The following PCDH17 variants were observed in gnomAD, a reference collection of about 807,000 sequenced individuals.
PCDH17 encodes protocadherin 17.
A neutral mutation model predicts 67.7 loss-of-function variants in PCDH17; 21 were observed. That is an observed-to-expected ratio of 0.31 (90% CI 0.22 to 0.45). The LOEUF is 0.45. PCDH17 is among the 20% of genes least tolerant of loss of function. PCDH17 has a pLI of 1.00. For synonymous variants in PCDH17, 701 were observed against 656.7 expected, an observed-to-expected ratio of 1.07 and a Z score of -1.03; for missense variants, 1,471 against 1,564.8, an observed-to-expected ratio of 0.94 and a Z score of 1.01.
chr13:57,687,511 T>C (rs1336169408), intron 3 of PCDH17, among the ~76,000 whole-genome samples: 1 of 151,996 alleles, frequency 6.6e-6, no homozygotes. Flanking sequence ...TGACTGGCTC[T>C]TGAGGTTCAT....
At chr13:57,655,565 C>T (rs1390808425) in intron 1 of PCDH17, among the ~76,000 whole-genome samples, 1 of 151,870 alleles carries the variant, frequency 6.6e-6, no homozygotes, top group Admixed American at 6.6e-5. Context: ...GGTAGGTATT[C>T]ATAGGTGCCT....
intron 3 of PCDH17, among the ~76,000 whole-genome samples, chr13:57,711,320 A>G (rs1029239445): frequency 4.0e-5 from 6 of 151,882 alleles, no homozygotes; most frequent in African/African-American, 1.4e-4. Context: ...CAAGAAACAC[A>G]GAGCTAGTGT....
chr13:57,669,346 G>A (rs1293356746), intron 3 of PCDH17, among the ~76,000 whole-genome samples: 2 of 151,826 alleles, frequency 1.3e-5, no homozygotes, highest in Non-Finnish European at 2.9e-5. Flanking sequence ...AATTACAGAT[G>A]GGTGATCTCT....
At chr13:57,706,539 C>T (rs972872425) in intron 3 of PCDH17, among the ~76,000 whole-genome samples, 21 of 152,212 alleles carry the variant, frequency 1.4e-4, no homozygotes, top group Admixed American at 5.2e-4. Flanking sequence ...TTTATTTTCT[C>T]ATGGTTCTGG....
At chr13:57,706,983 T>TAATTATGTAATTTTCTC (rs1424430286) in intron 3 of PCDH17, among the ~76,000 whole-genome samples, 2 of 152,146 alleles carry the variant, frequency 1.3e-5, no homozygotes, top group South Asian at 2.1e-4. Context: ...TTCATTTTCT[T>TAATTATGTAATTTTCTC]AATTATGTAA....
At position 57,728,907 on chromosome 13, in the gene PCDH17, A is replaced by G. The variant is rs567283371; in HGVS notation, c.*3613A>G. 2 of 152,560 alleles carry G rather than the reference A, an allele frequency of 1.3e-5. No individual in the cohort carries two copies. The highest frequency in any genetic ancestry group is 4.1e-4 in the South Asian group (2 of 4,826). The allele number at this position is 152,560 out of a possible 1,614,324, so 9.5% of individuals were successfully genotyped here. A position where few individuals can be genotyped will look rare whatever the true frequency, so the allele number is the denominator to read the frequency against. ...AGAACCAGGTTAAAAGCTGTTTGTT[A>G]TCTAATAGAGTAAAAGTTACTGAGG... On this transcript the variant is annotated 3_prime_UTR_variant, in exon 4 of 4. Transcript: ENST00000377918.
Position 57,633,873 on chromosome 13 carries a change from G to A in PCDH17, c.1327G>A (p.Val443Met), listed in dbSNP as rs1261365634. ...ETQDEYNVTI[V>M]ARDGGSPPLN... ...ACAAGACGAGTACAACGTGACCATC[G>A]TGGCGCGGGACGGGGGCTCTCCTCC... Residue 443 changes from valine to methionine, a missense_variant, in exon 1 of 4, where the codon GTG becomes ATG. Around this residue, in one of 3 missense-constraint regions of PCDH17, gnomAD observed 1,163 missense variants for 1,230.0 expected, o/e 0.95. Transcript: ENST00000377918. This position sits in a 1 kb window ranked among gnomAD's most constrained non-coding sequence, Gnocchi z 6.2. 1 of 1,613,010 alleles carries A rather than the reference G, an allele frequency of 6.2e-7. No individual in the cohort carries two copies. Among genetic ancestry groups the A allele is most frequent in the Non-Finnish European group, 8.5e-7 (1 of 1,180,034 alleles).
rs1454403884 is a variant in PCDH17, at chr13:57,726,083, G to T, written c.*789G>T. On this transcript the variant is annotated 3_prime_UTR_variant, in exon 4 of 4. Transcript: ENST00000377918. ...ATTTAGCATTTTAGTGTCCAACAAA[G>T]ATTTAAACAATGATGAATATGTTTT... is the stretch of plus-strand genomic sequence containing the variant. The T allele has an allele frequency of 6.6e-6, 1 of 152,540 alleles. No homozygotes were observed. Among genetic ancestry groups the T allele is most frequent in the African/African-American group, 2.4e-5 (1 of 41,424 alleles). 9.4% of individuals were successfully genotyped at this position (152,540 alleles called of 1,614,324 possible).
intron 3 of PCDH17, among the ~76,000 whole-genome samples, chr13:57,689,940 A>T (rs1191395819): frequency 6.6e-6 from 1 of 151,848 alleles, no homozygotes; most frequent in African/African-American, 2.4e-5. Flanking sequence ...TTAAAATAAG[A>T]TCTCTAATTA....
chr13:57,657,847 C>T (rs1405741913), intron 1 of PCDH17, among the ~76,000 whole-genome samples: 1 of 152,162 alleles, frequency 6.6e-6, no homozygotes, highest in Admixed American at 6.5e-5. Context: ...CGATTTAACA[C>T]CATATCTAGA....
intron 3 of PCDH17, among the ~76,000 whole-genome samples, chr13:57,693,618 A>G (rs1955580934): frequency 6.6e-6 from 1 of 150,548 alleles, no homozygotes; most frequent in Non-Finnish European, 1.5e-5. Context: ...TTATGATTGG[A>G]AGGACACAAT....
intron 1 of PCDH17, among the ~76,000 whole-genome samples, chr13:57,654,178 T>C (rs999065147): frequency 6.6e-6 from 1 of 152,116 alleles, no homozygotes; most frequent in African/African-American, 2.4e-5. Flanking sequence ...AGTCAACAAC[T>C]TTTTCTGTTA....
intron 1 of PCDH17, 23 bp downstream of exon 1, chr13:57,635,134 G>A (rs1045161246): frequency 6.2e-7 from 1 of 1,610,154 alleles, no homozygotes; most frequent in Non-Finnish European, 8.5e-7. Flanking sequence ...TAGCATAACT[G>A]GGAGTTCACT....
chr13:57,702,911 A>T (rs1450236339), intron 3 of PCDH17, among the ~76,000 whole-genome samples: 1 of 152,148 alleles, frequency 6.6e-6, no homozygotes, highest in Non-Finnish European at 1.5e-5. Context: ...GCTCCAACTG[A>T]TTCTGACCTT....
intron 3 of PCDH17, among the ~76,000 whole-genome samples, chr13:57,693,315 C>CAT (rs59643529): frequency 0.091 from 8,098 of 89,260 alleles, 558 homozygotes; most frequent in African/African-American, 0.097. Flanking sequence ...CACTTACATT[C>CAT]ATATATATAT....
In PCDH17 at chr13:57,640,399, A is replaced by G. The variant is rs562959102; in HGVS notation, c.2565+5288A>G. On this transcript the variant is annotated intron_variant, in intron 1 of 3. Transcript: ENST00000377918. ...TAAATTTAAATATGTGTATAAATGT[A>G]TATGTCTTTATATTTTCAATATAGT... Among the ~76,000 whole-genome samples, 65 of 152,002 alleles carry G rather than the reference A, an allele frequency of 4.3e-4. 1 individual carries two copies. The highest frequency in any genetic ancestry group is 1.5e-3 in the African/African-American group (61 of 41,426).
At chr13:57,640,505 A>C (rs1213986155) in intron 1 of PCDH17, among the ~76,000 whole-genome samples, 1 of 152,084 alleles carries the variant, frequency 6.6e-6, no homozygotes, top group African/African-American at 2.4e-5. Flanking sequence ...TCTAAGGAAC[A>C]GCTCAAGCTT....
Position 57,688,520 on chromosome 13 carries a change from A to C in PCDH17, c.2797+21687A>C, listed in dbSNP as rs546698820. 1.7e-4 allele frequency among the ~76,000 whole-genome samples: 26 copies of C among 152,148 alleles called. 1 individual carries two copies. The South Asian group carries it at 5.0e-3, about 29-fold the overall frequency. On this transcript the variant is annotated intron_variant, in intron 3 of 3. Coordinates refer to ENST00000377918, the MANE Select transcript of PCDH17 (RefSeq NM_001040429.3). Reference sequence around the variant, plus strand: ...TAAAGCCAATCTTTCTCCTTAATTCAAATTTTGTGTTTTGATTTGTATGTG... The same window carrying C: ...TAAAGCCAATCTTTCTCCTTAATTCCAATTTTGTGTTTTGATTTGTATGTG...
At position 57,633,063 on chromosome 13, in the gene PCDH17, C is replaced by T. The variant is rs748629252; in HGVS notation, c.517C>T (p.Arg173Cys). The change falls in exon 1 of 4, where the codon CGC (arginine) becomes TGC (cysteine). Residue 173 changes from arginine to cysteine, a missense_variant. By Grantham distance (180) the Arg-to-Cys change is radical. This residue lies in a region of PCDH17 where 1,163 missense variants were observed against 1,230.0 expected (regional missense o/e 0.95). Coordinates refer to ENST00000377918, the MANE Select transcript of PCDH17 (RefSeq NM_001040429.3). The surrounding 1 kb of genome is among the most constrained non-coding windows in gnomAD (Gnocchi z 6.2). The part of the protein sequence containing the change: ...ENGLRTYLLT[R>C]DDHGLFGLDV... ...TGGGCTCCGCACCTACCTGCTCACG[C>T]GCGACGATCACGGCCTCTTTGGACT... 1 of 1,613,134 alleles carries T rather than the reference C, an allele frequency of 6.2e-7. No individual in the cohort carries two copies. Among genetic ancestry groups the T allele is most frequent in the African/African-American group, 1.3e-5 (1 of 74,892 alleles).
Sources: gnomAD v4.1 joint callset for allele counts (sites outside exome capture counted in the v4.1 genomes callset) on GRCh38, gnomAD v4.1.1 for gene constraint, gnomAD v4.1.1 regional missense constraint, Gnocchi (gnomAD v3.1) non-coding constraint, MANE v1.5 for transcripts, NCBI Gene and HGNC (gene_info 2026-07-23, HGNC 2026-07-21) for gene names.